The following ARHGEF3 variants were observed in gnomAD, a reference collection of about 807,000 sequenced individuals.
ARHGEF3 encodes 59.8 kDA protein.
ARHGEF3 carries 28 observed loss-of-function variants against 63.2 expected under a neutral mutation model. That is an observed-to-expected ratio of 0.44 (90% CI 0.33 to 0.61). The LOEUF is 0.61. Ranked by LOEUF, ARHGEF3 falls within the 20% of genes least tolerant of loss-of-function variation. The pLI is 0.03. For missense variants in ARHGEF3, 533 were observed against 659.3 expected (o/e 0.81, Z 2.10); for synonymous variants, 266 against 254.2 (o/e 1.05, Z -0.44).
chr3:57,050,416 A>G, intron 1 of ARHGEF3, among the ~76,000 whole-genome samples: 1 of 152,264 alleles, frequency 6.6e-6, no homozygotes, highest in East Asian at 1.9e-4. Flanking sequence ...AAGGCCACAG[A>G]GCAGGGCAGC....
intron 2 of ARHGEF3, among the ~76,000 whole-genome samples, chr3:56,767,199 T>C (rs1415819227): frequency 6.6e-6 from 1 of 151,106 alleles, no homozygotes; most frequent in Non-Finnish European, 1.5e-5. Flanking sequence ...ACATGAAAAA[T>C]ACTCTTCTAT....
chr3:57,077,136 A>G (rs1187666909), intron 1 of ARHGEF3, among the ~76,000 whole-genome samples: 1 of 152,180 alleles, frequency 6.6e-6, no homozygotes, highest in East Asian at 1.9e-4. Context: ...TTGAACTCAA[A>G]TGTTCATGAA....
rs188988357 is a variant in ARHGEF3, at chr3:56,991,409, A to C, written c.63-32520T>G. Among the ~76,000 whole-genome samples the C allele has an allele frequency of 3.3e-4, 50 of 152,334 alleles. 2 individuals are homozygous for C. Among genetic ancestry groups the C allele is most frequent in the Middle Eastern group, 6.8e-3 (2 of 294 alleles). ...CTTGGAAATAAAGTATAACTTTTCA[A>C]AGTCATCTATCTACACCCCGAGTCT... On this transcript the variant is annotated intron_variant, in intron 2 of 12. Coordinates refer to the ARHGEF3 transcript ENST00000338458.
At chr3:56,845,856 C>T (rs941936333) in intron 4 of ARHGEF3, among the ~76,000 whole-genome samples, 77 of 152,232 alleles carry the variant, frequency 5.1e-4, no homozygotes, top group Non-Finnish European at 1.0e-3. Flanking sequence ...TCTGGTAGAA[C>T]ACAAACAGAC....
chr3:56,781,714 T>G (rs1487367796), intron 1 of ARHGEF3, among the ~76,000 whole-genome samples: 2 of 152,270 alleles, frequency 1.3e-5, no homozygotes, highest in African/African-American at 4.8e-5. Context: ...TCTTTGTAAC[T>G]AACACATAGT....
chr3:56,817,543 T>C (rs1161741054), intron 4 of ARHGEF3, among the ~76,000 whole-genome samples: 1 of 152,202 alleles, frequency 6.6e-6, no homozygotes, highest in African/African-American at 2.4e-5. Flanking sequence ...CCATTATGAC[T>C]TGGGAAGTTC....
At chr3:56,782,855 C>T (rs1479447074) in intron 1 of ARHGEF3, among the ~76,000 whole-genome samples, 2 of 152,170 alleles carry the variant, frequency 1.3e-5, no homozygotes, top group Non-Finnish European at 1.5e-5. Flanking sequence ...TGAGAGAAGT[C>T]GCAAGAGAGT....
chr3:56,798,079 A>C (rs916332329), intron 1 of ARHGEF3, among the ~76,000 whole-genome samples: 6 of 152,220 alleles, frequency 3.9e-5, no homozygotes, highest in African/African-American at 1.4e-4. Context: ...TGGGGTCTCA[A>C]GTGAGACACT....
Position 56,731,977 on chromosome 3 carries a change from T to C in ARHGEF3, c.1228+261A>G, listed in dbSNP as rs114163522. ...GGGAACTTAAGGAGCACTAACTATG[T>C]GCAGACAGTTTCACTTAGATTATCT... On this transcript the variant is annotated intron_variant, in intron 9 of 9. Coordinates refer to ENST00000296315, the MANE Select transcript of ARHGEF3 (RefSeq NM_019555.3). 2,788 of 596,892 alleles carry C rather than the reference T, an allele frequency of 4.7e-3. 52 individuals carry two copies. Among genetic ancestry groups the C allele is most frequent in the African/African-American group, 0.045 (2,413 of 53,918 alleles). 37.0% of individuals were successfully genotyped at this position (596,892 alleles called of 1,614,324 possible). A position where few individuals can be genotyped will look rare whatever the true frequency, so the allele number is the denominator to read the frequency against.
rs1215327433 is a variant in ARHGEF3 at position 56,956,858 on chromosome 3, T to TC, written c.129+1964_129+1965insG. Among the ~76,000 whole-genome samples the TC allele has an allele frequency of 6.2e-4, 95 of 152,338 alleles. No individual in the cohort carries two copies. The Middle Eastern group carries it at 0.027, about 44-fold the overall frequency. ...TTCTCTATAGTTCAAAATTGACTGT[T>TC]AATGTCAGCTATTCCAAAGTGCATA... On this transcript the variant is annotated intron_variant, in intron 3 of 12. Coordinates refer to the ARHGEF3 transcript ENST00000338458.
At chr3:57,056,228 A>G (rs529365235) in intron 1 of ARHGEF3, among the ~76,000 whole-genome samples, 1 of 152,168 alleles carries the variant, frequency 6.6e-6, no homozygotes, top group South Asian at 2.1e-4. Context: ...TCTGCTAAAA[A>G]TACAAAAAAT....
At chr3:57,001,929 T>G (rs1252065289) in intron 2 of ARHGEF3, among the ~76,000 whole-genome samples, 2 of 100,182 alleles carry the variant, frequency 2.0e-5, no homozygotes, top group Non-Finnish European at 3.9e-5. Flanking sequence ...TTTTTTTTTT[T>G]GTTTTTTGTT....
chr3:56,751,528 C>T (rs6792241), intron 4 of ARHGEF3, 132 bp from the exon 5 acceptor site: 221,479 of 713,420 alleles, frequency 0.31, 44,689 homozygotes, highest in African/African-American at 0.73. Flanking sequence ...TCCCATAAAG[C>T]TGCAGAAACA....
intron 7 of ARHGEF3, among the ~76,000 whole-genome samples, chr3:56,742,323 TAAG>T (rs2034089508): frequency 6.6e-6 from 1 of 152,228 alleles, no homozygotes; most frequent in Non-Finnish European, 1.5e-5. Context: ...ACTCCTATTT[TAAG>T]AAGTTCTCTT....
chr3:56,968,235 A>AT (rs1229077560), intron 2 of ARHGEF3, among the ~76,000 whole-genome samples: 1 of 34,816 alleles, frequency 2.9e-5, no homozygotes, highest in Non-Finnish European at 5.5e-5. Context: ...TATATATATA[A>AT]ATATATATAT....
At chr3:56,956,514 A>G (rs1700050126) in intron 3 of ARHGEF3, among the ~76,000 whole-genome samples, 1 of 152,168 alleles carries the variant, frequency 6.6e-6, no homozygotes, top group South Asian at 2.1e-4. Context: ...AGTTCTATAA[A>G]CCAGAGTCGT....
intron 1 of ARHGEF3, among the ~76,000 whole-genome samples, chr3:57,062,521 G>A (rs1705284582): frequency 6.6e-6 from 1 of 152,230 alleles, no homozygotes; most frequent in South Asian, 2.1e-4. Flanking sequence ...CAGGGCAAGT[G>A]CCCAGCACAG....
chr3:56,861,688 G>A (rs1440289010), intron 4 of ARHGEF3, among the ~76,000 whole-genome samples: 2 of 151,954 alleles, frequency 1.3e-5, no homozygotes, highest in Non-Finnish European at 2.9e-5. Flanking sequence ...GCCTGGATCT[G>A]CTGGGCCCTC....
intron 2 of ARHGEF3, among the ~76,000 whole-genome samples, chr3:56,757,764 C>T (rs556238832): frequency 6.6e-6 from 1 of 151,416 alleles, no homozygotes; most frequent in African/African-American, 2.4e-5. Context: ...GCTCTGTCGC[C>T]CAGGCTGGTG....
Sources: allele counts gnomAD v4.1 joint callset (sites outside exome capture counted in the v4.1 genomes callset), GRCh38; gene constraint gnomAD v4.1.1; transcripts MANE v1.5; gene names NCBI Gene and HGNC (gene_info 2026-07-23, HGNC 2026-07-21).